The following ANKRD12 variants were observed in gnomAD, a reference collection of about 807,000 sequenced individuals.
The protein encoded by ANKRD12 is ankyrin repeat domain-containing protein 12.
A neutral mutation model predicts 183.4 loss-of-function variants in ANKRD12; 85 were observed. That is an observed-to-expected ratio of 0.46 (90% CI 0.39 to 0.56). The LOEUF is 0.56. Ranked by LOEUF, ANKRD12 falls within the 20% of genes least tolerant of loss-of-function variation. ANKRD12 has a pLI of 0.00. For missense variants in ANKRD12, 2,405 were observed against 2,357.1 expected (o/e 1.02, Z -0.42); for synonymous variants, 914 against 800.2 (o/e 1.14, Z -2.40).
chr18:9,261,715 T>G lies in ANKRD12; in HGVS notation c.5665-2075T>G, dbSNP rs79930357. 4.7e-3 allele frequency among the ~76,000 whole-genome samples: 714 copies of G among 152,296 alleles called. 1 individual carries two copies. The highest frequency in any genetic ancestry group is 0.016 in the African/African-American group (662 of 41,564). ...TGTCTGCAGATACCATTCTGTTTGTTTTTGCATGCCATCCTCTTTTGGGAA... is the reference window on the plus strand; with the variant it reads ...TGTCTGCAGATACCATTCTGTTTGTGTTTGCATGCCATCCTCTTTTGGGAA... On this transcript the variant is annotated intron_variant, in intron 9 of 12. Transcript: ENST00000262126.
At chr18:9,196,189 T>TACACACACAC (rs34220366) in intron 3 of ANKRD12, among the ~76,000 whole-genome samples, 1,076 of 51,630 alleles carry the variant, frequency 0.021, 21 homozygotes, top group African/African-American at 0.04. Context: ...ATAGAATTTT[T>TACACACACAC]ACACACACAC....
At position 9,279,651 on chromosome 18, in the gene ANKRD12, A is replaced by G. The variant is rs2040015526; in HGVS notation, c.6003+7A>G. ...TAAATTTGACAAATTAAAGGTATGTATGTTTGGAAGTCAGTTTAAATGAAT... is the reference window on the plus strand; with the variant it reads ...TAAATTTGACAAATTAAAGGTATGTGTGTTTGGAAGTCAGTTTAAATGAAT... On this transcript the variant is annotated splice_region_variant and intron_variant, in intron 12 of 12. Coordinates refer to ENST00000262126, the MANE Select transcript of ANKRD12 (RefSeq NM_015208.5). 6.5e-7 allele frequency: 1 copy of G among 1,529,928 alleles called. No homozygotes were observed. Among genetic ancestry groups the G allele is most frequent in the East Asian group, 2.3e-5 (1 of 43,308 alleles). 94.8% of individuals were successfully genotyped at this position (1,529,928 alleles called of 1,614,324 possible). A position where few individuals can be genotyped will look rare whatever the true frequency, so the allele number is the denominator to read the frequency against.
chr18:9,255,261 A>G lies in ANKRD12; in HGVS notation c.1994A>G (p.His665Arg). The G allele has an allele frequency of 6.4e-7, 1 of 1,571,956 alleles. No homozygotes were observed. Among genetic ancestry groups the G allele is most frequent in the Admixed American group, 2.1e-5 (1 of 47,006 alleles). Residue 665 changes from histidine to arginine, a missense_variant, in exon 9 of 13, where the codon CAT (histidine) becomes CGT (arginine). By Grantham distance (29) the His-to-Arg change is conservative (BLOSUM62 0). This residue lies in a region of ANKRD12 where 1,983 missense variants were observed against 1,725.9 expected (regional missense o/e 1.15). Transcript: ENST00000262126. ...CATAAAGAGAGGGAAAAAGAAAAGC[A>G]TAAAAAAGAAATTGAAGGTGAAAAG... ...LKHKEREKEK[H>R]KKEIEGEKEK...
chr18:9,235,742 C>T (rs1033413138), intron 8 of ANKRD12: 3 of 453,176 alleles, frequency 6.6e-6, no homozygotes, highest in African/African-American at 6.0e-5. Context: ...AGCCAAACAG[C>T]CTTGGTTCTT....
intron 9 of ANKRD12, among the ~76,000 whole-genome samples, chr18:9,262,766 C>G (rs1007621598): frequency 8.8e-5 from 13 of 148,208 alleles, no homozygotes; most frequent in African/African-American, 3.0e-4. Flanking sequence ...GCGAGAGCCA[C>G]CATGCCCAGC....
rs33944736 is a variant in ANKRD12 at position 9,175,523 on chromosome 18, C to CTTTTTTTTTTTTTTTTTTT, written c.-51-6849_-51-6831dup. Reference sequence around the variant, plus strand: ...CTTGATCAGTTTTTCAAAGGCTCCTCTTTTTTTTTTTTTTTTTTTTTTTTT... The same window carrying CTTTTTTTTTTTTTTTTTTT: ...CTTGATCAGTTTTTCAAAGGCTCCTCTTTTTTTTTTTTTTTTTTTTTTTTTTTTTTTTTTTTTTTTTTTT... On this transcript the variant is annotated intron_variant, in intron 1 of 12. Coordinates refer to ENST00000262126, the MANE Select transcript of ANKRD12 (RefSeq NM_015208.5). 1.1e-4 allele frequency among the ~76,000 whole-genome samples: 6 copies of CTTTTTTTTTTTTTTTTTTT among 53,312 alleles called. 2 individuals carry two copies. The highest frequency in any genetic ancestry group is 1.5e-4 in the African/African-American group (2 of 13,010). The allele number at this position is 53,312 out of a possible 152,430, so 35.0% of individuals were successfully genotyped here.
chr18:9,244,600 C>T (rs1275882074), intron 8 of ANKRD12, among the ~76,000 whole-genome samples: 1 of 152,120 alleles, frequency 6.6e-6, no homozygotes, highest in Non-Finnish European at 1.5e-5. Context: ...AAGAGTAGTT[C>T]CTAGTACTCG....
intron 1 of ANKRD12, among the ~76,000 whole-genome samples, chr18:9,172,008 GAA>G (rs1335454453): frequency 7.4e-6 from 1 of 134,686 alleles, no homozygotes; most frequent in Non-Finnish European, 1.6e-5. Flanking sequence ...CAGGAAGAGT[GAA>G]ATGAAGCTCC....
chr18:9,224,100 T>A (rs373488687), intron 8 of ANKRD12, among the ~76,000 whole-genome samples: 3 of 152,194 alleles, frequency 2.0e-5, no homozygotes, highest in Non-Finnish European at 2.9e-5. Context: ...CTGACAAGAT[T>A]AACTAGAACA....
At chr18:9,137,490 G>A (rs1393485111) in intron 1 of ANKRD12, 20 of 146,492 alleles carry the variant, frequency 1.4e-4, no homozygotes, top group Non-Finnish European at 2.1e-4. Flanking sequence ...CCGCGGGGGC[G>A]GGGGCGCGCC....
chr18:9,176,531 T>C (rs1242986152), intron 1 of ANKRD12, among the ~76,000 whole-genome samples: 1 of 152,052 alleles, frequency 6.6e-6, no homozygotes, highest in East Asian at 1.9e-4. Context: ...GCTCAAGCAG[T>C]CTGTCTGCCT....
Position 9,283,565 on chromosome 18 carries a change from G to A in ANKRD12, c.*2439G>A, listed in dbSNP as rs2040169201. 6.6e-6 allele frequency: 1 copy of A among 152,580 alleles called. No homozygotes were observed. Among genetic ancestry groups the A allele is most frequent in the South Asian group, 2.1e-4 (1 of 4,832 alleles). The allele number at this position is 152,580 out of a possible 1,614,324, so 9.5% of individuals were successfully genotyped here. ...AAAATTTGGAATGGAGTATATGCCT[G>A]AAAAGGTTTTGGATTCAGAAAGAAA... On this transcript the variant is annotated 3_prime_UTR_variant, in exon 13 of 13. Coordinates refer to ENST00000262126, the MANE Select transcript of ANKRD12 (RefSeq NM_015208.5).
At chr18:9,149,015 C>T (rs746529862) in intron 1 of ANKRD12, among the ~76,000 whole-genome samples, 12 of 152,120 alleles carry the variant, frequency 7.9e-5, no homozygotes, top group Non-Finnish European at 1.6e-4. Flanking sequence ...ATCCTCCTCC[C>T]ACACCAGCCC....
At chr18:9,137,478 A>C (rs1404948560) in intron 1 of ANKRD12, 1 of 144,902 alleles carries the variant, frequency 6.9e-6, no homozygotes, top group Admixed American at 6.8e-5. Context: ...CGGCGGTCGG[A>C]CCCGCGGGGG....
At chr18:9,279,491 G>A in intron 11 of ANKRD12, 58 bp from the exon 12 acceptor site, 3 of 979,378 alleles carry the variant, frequency 3.1e-6, no homozygotes, top group Non-Finnish European at 4.8e-6. Flanking sequence ...ATACTATAAT[G>A]GCATATAGAT....
intron 1 of ANKRD12, among the ~76,000 whole-genome samples, chr18:9,141,882 A>G (rs775636227): frequency 3.9e-4 from 60 of 152,164 alleles, no homozygotes; most frequent in Non-Finnish European, 6.3e-4. Context: ...AATAATATGC[A>G]TAGATTGGGG....
At chr18:9,229,198 C>T (rs1362737060) in intron 8 of ANKRD12, among the ~76,000 whole-genome samples, 1 of 151,674 alleles carries the variant, frequency 6.6e-6, no homozygotes, top group Non-Finnish European at 1.5e-5. Flanking sequence ...ACACTGTGCT[C>T]TCTCAGTCCC....
chr18:9,162,795 T>A (rs1228251296), intron 1 of ANKRD12, among the ~76,000 whole-genome samples: 1 of 123,430 alleles, frequency 8.1e-6, no homozygotes, highest in Non-Finnish European at 1.8e-5. Flanking sequence ...ATTTCTCTAA[T>A]CAGTGATATT....
intron 8 of ANKRD12, among the ~76,000 whole-genome samples, chr18:9,234,219 T>G (rs1178014687): frequency 6.6e-6 from 1 of 152,170 alleles, no homozygotes; most frequent in Non-Finnish European, 1.5e-5. Flanking sequence ...GCTCTCTGTT[T>G]CGCTCACCCC....
Sources: allele counts gnomAD v4.1 joint callset (sites outside exome capture counted in the v4.1 genomes callset), GRCh38; gene constraint gnomAD v4.1.1; regional missense constraint gnomAD v4.1.1; transcripts MANE v1.5; gene names NCBI Gene and HGNC (gene_info 2026-07-23, HGNC 2026-07-21).